GABRB2: variants seen among roughly 807,000 people sequenced by gnomAD.
The protein encoded by GABRB2 is gamma-aminobutyric acid type A receptor subunit beta2, also known as gamma-aminobutyric acid receptor subunit beta-2.
In GABRB2, 16 loss-of-function variants were observed where a neutral mutation model predicts 54.7. The ratio of observed to expected loss-of-function variants is 0.29; its 90% CI spans 0.20 to 0.44. GABRB2 has a LOEUF of 0.44. Among genes scored for constraint, GABRB2 ranks in the 20% least tolerant of loss-of-function variants. GABRB2 has a pLI of 1.00. For missense variants in GABRB2, 355 were observed against 644.0 expected (o/e 0.55, Z 4.86); for synonymous variants, 244 against 233.8 (o/e 1.04, Z -0.40).
At chr5:161,514,107 T>G (rs1759862256) in intron 3 of GABRB2, among the ~76,000 whole-genome samples, 1 of 152,186 alleles carries the variant, frequency 6.6e-6, no homozygotes, top group Non-Finnish European at 1.5e-5. Context: ...CAGAACTTCA[T>G]GATCGCAGCT....
chr5:161,485,612 T>A (rs1326667349), intron 3 of GABRB2, among the ~76,000 whole-genome samples: 1 of 151,910 alleles, frequency 6.6e-6, no homozygotes, highest in Non-Finnish European at 1.5e-5. Context: ...AAACCAATAA[T>A]TCCCTTCGAA....
At chr5:161,353,457 C>T (rs969764674) in intron 5 of GABRB2, among the ~76,000 whole-genome samples, 3 of 152,008 alleles carry the variant, frequency 2.0e-5, no homozygotes, top group African/African-American at 7.2e-5. Flanking sequence ...AGGAACGTTG[C>T]TCTTATCCTA....
At chr5:161,339,937 T>A (rs578148221) in intron 5 of GABRB2, among the ~76,000 whole-genome samples, 1 of 152,020 alleles carries the variant, frequency 6.6e-6, no homozygotes, top group Non-Finnish European at 1.5e-5. Context: ...AAAAAATACA[T>A]GCTATGTTTA....
intron 5 of GABRB2, among the ~76,000 whole-genome samples, chr5:161,351,875 T>C (rs1754481370): frequency 6.6e-6 from 1 of 151,888 alleles, no homozygotes; most frequent in Non-Finnish European, 1.5e-5. Context: ...AATAATCCAA[T>C]TAAAAAATGG....
chr5:161,370,231 A>T (rs1755093017), intron 5 of GABRB2, among the ~76,000 whole-genome samples: 1 of 152,198 alleles, frequency 6.6e-6, no homozygotes, highest in Non-Finnish European at 1.5e-5. Context: ...ACAAAGATAG[A>T]CTTGCTAAAA....
chr5:161,526,824 C>T (rs2113444827), intron 3 of GABRB2, among the ~76,000 whole-genome samples: 1 of 151,434 alleles, frequency 6.6e-6, no homozygotes, highest in African/African-American at 2.4e-5. Context: ...AAGAAATATG[C>T]AAGACCTACA....
chr5:161,327,041 GACACACACACACACACACACAC>G, intron 8 of GABRB2: 2 of 494,574 alleles, frequency 4.0e-6, no homozygotes, highest in Non-Finnish European at 5.1e-6. Context: ...ATTCCATTAG[GACACACACACACACACACACAC>G]ACACACACAC....
intron 9 of GABRB2, among the ~76,000 whole-genome samples, chr5:161,321,239 G>T (rs912819345): frequency 6.6e-6 from 1 of 151,940 alleles, no homozygotes; most frequent in African/African-American, 2.4e-5. Context: ...AAAAATAAAA[G>T]AGTAAATACT....
rs1011854744 is a variant in GABRB2 at position 161,334,622 on chromosome 5, A to G, written c.832+130T>C. ...TCAGATCACCCAAAGTCTCATAGCG[A>G]AACTCTTACAGTGTGAGAGGTTCAG... is the stretch of plus-strand genomic sequence containing the variant. On this transcript the variant is annotated intron_variant, in intron 7 of 9. Transcript: ENST00000393959. 9 of 844,904 alleles carry G rather than the reference A, an allele frequency of 1.1e-5. No homozygotes were observed. The African/African-American group carries it at 1.5e-4, about 14-fold the overall frequency. The allele number at this position is 844,904 out of a possible 1,614,324, so 52.3% of individuals were successfully genotyped here.
At chr5:161,351,043 A>C (rs911827475) in intron 5 of GABRB2, among the ~76,000 whole-genome samples, 1 of 152,088 alleles carries the variant, frequency 6.6e-6, no homozygotes, top group African/African-American at 2.4e-5. Context: ...AGTCCCCTTC[A>C]CATATTCATC....
chr5:161,446,620 A>T (rs1453820391), intron 4 of GABRB2, among the ~76,000 whole-genome samples: 3 of 152,172 alleles, frequency 2.0e-5, no homozygotes, highest in Admixed American at 6.6e-5. Flanking sequence ...ACTTTGAACA[A>T]GTTACTGAAT....
intron 3 of GABRB2, among the ~76,000 whole-genome samples, chr5:161,518,584 G>C (rs1365063087): frequency 6.6e-6 from 1 of 152,198 alleles, no homozygotes; most frequent in Non-Finnish European, 1.5e-5. Flanking sequence ...TTTTATAGGT[G>C]ATGCTACTAG....
chr5:161,308,535 A>T (rs917647574), intron 9 of GABRB2, among the ~76,000 whole-genome samples: 7 of 152,214 alleles, frequency 4.6e-5, no homozygotes, highest in African/African-American at 1.7e-4. Context: ...AAAGTACCAA[A>T]AAGGAGCCCA....
Position 161,293,824 on chromosome 5 carries a change from A to G in GABRB2, c.*257T>C. ...GTAGGCTGCATACTAAACAGACAAC[A>G]TGGAGCACTCAGGCTGTCTAGCCAC... On this transcript the variant is annotated 3_prime_UTR_variant, in exon 10 of 10. Coordinates refer to ENST00000393959, the MANE Select transcript of GABRB2 (RefSeq NM_001371727.1). 3 of 471,540 alleles carry G rather than the reference A, an allele frequency of 6.4e-6. No homozygotes were observed. The highest frequency in any genetic ancestry group is 3.6e-5 in the Admixed American group (1 of 27,936). The allele number at this position is 471,540 out of a possible 1,614,324, so 29.2% of individuals were successfully genotyped here.
intron 3 of GABRB2, among the ~76,000 whole-genome samples, chr5:161,461,980 A>G (rs1758129930): frequency 6.6e-6 from 1 of 152,146 alleles, no homozygotes; most frequent in Non-Finnish European, 1.5e-5. Flanking sequence ...TTAAAATATG[A>G]CTCATATTAT....
At chr5:161,297,201 C>T (rs962180306) in intron 9 of GABRB2, among the ~76,000 whole-genome samples, 14 of 152,076 alleles carry the variant, frequency 9.2e-5, no homozygotes, top group African/African-American at 3.4e-4. Flanking sequence ...GTATTGAACA[C>T]CTGTATCAAT....
chr5:161,360,959 A>G (rs1404083170), intron 5 of GABRB2, among the ~76,000 whole-genome samples: 1 of 152,108 alleles, frequency 6.6e-6, no homozygotes, highest in African/African-American at 2.4e-5. Flanking sequence ...GCAGCAAACT[A>G]TGATTGCACC....
At chr5:161,544,499 T>C (rs1760912461) in intron 3 of GABRB2, among the ~76,000 whole-genome samples, 1 of 152,190 alleles carries the variant, frequency 6.6e-6, no homozygotes, top group Non-Finnish European at 1.5e-5. Flanking sequence ...ACGTGTTTCC[T>C]AGTTGGGAAC....
intron 3 of GABRB2, among the ~76,000 whole-genome samples, chr5:161,490,458 A>T (rs186399124): frequency 6.6e-6 from 1 of 151,742 alleles, no homozygotes; most frequent in African/African-American, 2.4e-5. Flanking sequence ...CTTTTCATCA[A>T]TTATAAAATA....
Sources: allele counts gnomAD v4.1 joint callset (sites outside exome capture counted in the v4.1 genomes callset), GRCh38; gene constraint gnomAD v4.1.1; transcripts MANE v1.5; gene names NCBI Gene and HGNC (gene_info 2026-07-23, HGNC 2026-07-21).